PCDHGA1: variants seen among roughly 807,000 people sequenced by gnomAD.
The protein encoded by PCDHGA1 is protocadherin gamma-A1.
In PCDHGA1, 32 loss-of-function variants were observed where a neutral mutation model predicts 58.0. The observed-to-expected ratio is 0.55, with a 90% CI of 0.42 to 0.74. The LOEUF (loss-of-function observed/expected upper bound fraction) is 0.74. Among genes scored for constraint, PCDHGA1 ranks in the 30% least tolerant of loss-of-function variants. PCDHGA1 has a pLI of 0.00. For synonymous variants in PCDHGA1, 498 were observed against 501.1 expected, an observed-to-expected ratio of 0.99 and a Z score of 0.08; for missense variants, 1,205 against 1,182.3, an observed-to-expected ratio of 1.02 and a Z score of -0.28.
chr5:141,409,004 G>A, intron 1 of PCDHGA1: 3 of 1,614,004 alleles, frequency 1.9e-6, no homozygotes, highest in Non-Finnish European at 1.7e-6. Context: ...GACAGCCACT[G>A]ACCAGGATGA....
At chr5:141,374,527 A>T (rs1429830664) in intron 1 of PCDHGA1, 7 of 1,613,074 alleles carry the variant, frequency 4.3e-6, no homozygotes, top group Non-Finnish European at 5.9e-6. Flanking sequence ...ACGCAGCTCC[A>T]TCCTCTCGTT....
At chr5:141,340,322 G>A (rs746073058) in intron 1 of PCDHGA1, 2 of 1,614,012 alleles carry the variant, frequency 1.2e-6, no homozygotes, top group Non-Finnish European at 1.7e-6. Flanking sequence ...CAACGCACCC[G>A]CCTTCTCCCG....
chr5:141,421,784 G>C, intron 1 of PCDHGA1: 1 of 1,613,874 alleles, frequency 6.2e-7, no homozygotes, highest in Non-Finnish European at 8.5e-7. Context: ...CTGCGGGGCA[G>C]AACGGATGGG....
Position 141,431,704 on chromosome 5 carries a change from C to T in PCDHGA1, c.2422-63103C>T. On this transcript the variant is annotated intron_variant, in intron 1 of 3. Transcript: ENST00000517417. The surrounding 1 kb of genome is among the most constrained non-coding windows in gnomAD (Gnocchi z 4.8). ...TGGACCACGAGGAGTCAGGATTCTA[C>T]CAGATGGAAGTGCAAGCAATGGATA... 1 of 1,614,194 alleles carries T rather than the reference C, an allele frequency of 6.2e-7. No homozygotes were observed. The highest frequency in any genetic ancestry group is 8.5e-7 in the Non-Finnish European group (1 of 1,180,036).
chr5:141,472,200 C>A (rs2099274166), intron 1 of PCDHGA1, among the ~76,000 whole-genome samples: 1 of 152,110 alleles, frequency 6.6e-6, no homozygotes, highest in Non-Finnish European at 1.5e-5. Flanking sequence ...ATCTTTTTGA[C>A]ACTAAGACCT....
At chr5:141,482,074 A>G (rs1349748840) in intron 1 of PCDHGA1, among the ~76,000 whole-genome samples, 2 of 142,830 alleles carry the variant, frequency 1.4e-5, no homozygotes, top group Non-Finnish European at 3.0e-5. Context: ...AACAAGAACA[A>G]AACTCACTCC....
intron 1 of PCDHGA1, chr5:141,422,401 C>G: frequency 6.3e-7 from 1 of 1,598,896 alleles, no homozygotes; most frequent in Non-Finnish European, 8.5e-7. Context: ...TAACCACCTG[C>G]CTTTTAAATT....
chr5:141,390,263 T>G (rs1249972080), intron 1 of PCDHGA1: 2 of 1,614,054 alleles, frequency 1.2e-6, no homozygotes, highest in Non-Finnish European at 1.7e-6. Context: ...GTAATTCCAG[T>G]GAATTGACTT....
intron 1 of PCDHGA1, chr5:141,387,565 T>C: frequency 2.3e-6 from 1 of 437,244 alleles, no homozygotes; most frequent in Non-Finnish European, 4.0e-6. Flanking sequence ...AGGCACACAA[T>C]TATAATTATT....
chr5:141,389,645 C>A, intron 1 of PCDHGA1: 1 of 1,612,912 alleles, frequency 6.2e-7, no homozygotes, highest in Non-Finnish European at 8.5e-7. Context: ...ACTTGGTGAC[C>A]AAGGTAGTGG....
chr5:141,418,345 T>C, intron 1 of PCDHGA1: 1 of 1,614,000 alleles, frequency 6.2e-7, no homozygotes, highest in Non-Finnish European at 8.5e-7. Context: ...ATCCTGATAT[T>C]AGTATGAATT....
intron 1 of PCDHGA1, among the ~76,000 whole-genome samples, chr5:141,337,718 T>A (rs1588443912): frequency 6.6e-6 from 1 of 152,332 alleles, no homozygotes; most frequent in East Asian, 1.9e-4. Flanking sequence ...CACACCAGAA[T>A]GTAATTTGAA....
chr5:141,387,756 A>G, intron 1 of PCDHGA1: 1 of 1,413,288 alleles, frequency 7.1e-7, no homozygotes, highest in Non-Finnish European at 9.4e-7. Context: ...CTCCTCGGAA[A>G]AAGAAGAATT....
Position 141,491,885 on chromosome 5 carries a change from G to T in PCDHGA1, c.2422-2922G>T. On this transcript the variant is annotated intron_variant, in intron 1 of 3. Transcript: ENST00000517417. The surrounding 1 kb of genome is among the most constrained non-coding windows in gnomAD (Gnocchi z 6.9). ...ACCAGAGTGGCCGATTAAGGGATGG[G>T]GCTCCGAGCACCGGGGGTGGTGGCG... The T allele has an allele frequency of 6.9e-7, 1 of 1,445,748 alleles. No homozygotes were observed. Among genetic ancestry groups the T allele is most frequent in the Non-Finnish European group, 9.1e-7 (1 of 1,093,758 alleles). The allele number at this position is 1,445,748 out of a possible 1,614,324, so 89.6% of individuals were successfully genotyped here. A position where few individuals can be genotyped will look rare whatever the true frequency, so the allele number is the denominator to read the frequency against.
chr5:141,474,685 T>G (rs1562045980), intron 1 of PCDHGA1, among the ~76,000 whole-genome samples: 1 of 152,224 alleles, frequency 6.6e-6, no homozygotes, highest in Non-Finnish European at 1.5e-5. Flanking sequence ...GCCTACCCCT[T>G]CACTTATGTT....
intron 1 of PCDHGA1, among the ~76,000 whole-genome samples, chr5:141,368,024 A>G (rs948491194): frequency 6.6e-6 from 1 of 152,204 alleles, no homozygotes; most frequent in Admixed American, 6.5e-5. Context: ...TGTGCCTCAA[A>G]TTCCAGGAGG....
At chr5:141,399,818 G>A in intron 1 of PCDHGA1, 1 of 1,613,204 alleles carries the variant, frequency 6.2e-7, no homozygotes, top group Non-Finnish European at 8.5e-7. Context: ...CCCGCGCTGG[G>A]TCCCGACGGC....
At chr5:141,358,695 A>G (rs956417797) in intron 1 of PCDHGA1, among the ~76,000 whole-genome samples, 2 of 152,206 alleles carry the variant, frequency 1.3e-5, no homozygotes, top group African/African-American at 2.4e-5. Context: ...TGACATCACT[A>G]TTGAGACTTT....
Position 141,357,965 on chromosome 5 carries a change from G to A in PCDHGA1, c.2421+24860G>A, listed in dbSNP as rs1265962605. Among the ~76,000 whole-genome samples, 3 of 152,122 alleles carry A rather than the reference G, an allele frequency of 2.0e-5. No homozygotes were observed. In the East Asian group the frequency reaches 5.8e-4, roughly 29 times the overall value. On this transcript the variant is annotated intron_variant, in intron 1 of 3. Coordinates refer to ENST00000517417, the MANE Select transcript of PCDHGA1 (RefSeq NM_018912.3). ...AACACTTTGGGAGTGTGAGGAGGAC[G>A]GATTGCCTGAGCTCAGGAGTTCGAG...
Sources: allele counts gnomAD v4.1 joint callset (sites outside exome capture counted in the v4.1 genomes callset), GRCh38; gene constraint gnomAD v4.1.1; non-coding constraint Gnocchi (gnomAD v3.1); transcripts MANE v1.5; gene names NCBI Gene and HGNC (gene_info 2026-07-23, HGNC 2026-07-21).